Variants in LDAH observed in about 807,000 individuals in gnomAD.
LDAH encodes lipid droplet associated hydrolase.
A neutral mutation model predicts 29.6 loss-of-function variants in LDAH; 26 were observed. The observed-to-expected ratio is 0.88, with a 90% CI of 0.64 to 1.22. The LOEUF is 1.22. Among genes scored for constraint, LDAH ranks in the 50% most tolerant of loss-of-function variants. The probability of loss-of-function intolerance (pLI) is 0.00; values close to 1 mark genes in which losing one functional copy is unlikely to be tolerated. For synonymous variants in LDAH, 117 were observed against 133.0 expected, an observed-to-expected ratio of 0.88 and a Z score of 0.83; for missense variants, 344 against 387.3, an observed-to-expected ratio of 0.89 and a Z score of 0.94.
chr2:20,772,764 G>A (rs1429877890), intron 4 of LDAH, among the ~76,000 whole-genome samples: 2 of 152,236 alleles, frequency 1.3e-5, no homozygotes, highest in East Asian at 1.9e-4. Flanking sequence ...TAGACAGGCC[G>A]ACACGTTAAA....
intron 6 of LDAH, among the ~76,000 whole-genome samples, chr2:20,694,472 T>C (rs143975342): frequency 6.6e-6 from 1 of 152,352 alleles, no homozygotes; most frequent in East Asian, 1.9e-4. Flanking sequence ...GAGCCTCTGT[T>C]TTTAGGGACT....
chr2:20,722,377 C>CAA (rs141440507), intron 5 of LDAH, among the ~76,000 whole-genome samples: 1,401 of 70,316 alleles, frequency 0.02, 43 homozygotes, highest in African/African-American at 0.063. Context: ...GAAACTGTCT[C>CAA]AAAAAAAAAA....
intron 4 of LDAH, among the ~76,000 whole-genome samples, chr2:20,749,770 C>A (rs919364929): frequency 1.3e-5 from 2 of 152,184 alleles, no homozygotes; most frequent in Non-Finnish European, 2.9e-5. Context: ...GCCCAAATGG[C>A]TGAAGTGTAT....
At chr2:20,763,735 A>G (rs924836786) in intron 4 of LDAH, among the ~76,000 whole-genome samples, 3 of 152,210 alleles carry the variant, frequency 2.0e-5, no homozygotes, top group Non-Finnish European at 2.9e-5. Flanking sequence ...GGATGGGGGA[A>G]CTTTTCGATA....
chr2:20,812,878 T>G (rs1050685111), intron 1 of LDAH, among the ~76,000 whole-genome samples: 1 of 152,174 alleles, frequency 6.6e-6, no homozygotes, highest in Admixed American at 6.6e-5. Context: ...ACTTAACAGA[T>G]GCTATCTAAA....
chr2:20,799,608 T>A (rs574913235), intron 2 of LDAH, among the ~76,000 whole-genome samples: 1 of 152,176 alleles, frequency 6.6e-6, no homozygotes, highest in Non-Finnish European at 1.5e-5. Context: ...GTTCCAACAA[T>A]AGAACTTACA....
At chr2:20,804,620 C>T (rs879753836) in intron 1 of LDAH, among the ~76,000 whole-genome samples, 4 of 152,232 alleles carry the variant, frequency 2.6e-5, no homozygotes, top group Admixed American at 1.3e-4. Flanking sequence ...TCTTTTCTAA[C>T]ATTTCTAAAA....
At chr2:20,756,043 T>G (rs1027904627) in intron 4 of LDAH, among the ~76,000 whole-genome samples, 1 of 152,084 alleles carries the variant, frequency 6.6e-6, no homozygotes, top group African/African-American at 2.4e-5. Context: ...TTTTTTCTTT[T>G]TTTTTTGAGA....
intron 4 of LDAH, among the ~76,000 whole-genome samples, chr2:20,771,373 A>T (rs1231228435): frequency 6.6e-6 from 1 of 152,260 alleles, no homozygotes; most frequent in Non-Finnish European, 1.5e-5. Flanking sequence ...ATAACAGAAG[A>T]GATGGAAACA....
intron 5 of LDAH, among the ~76,000 whole-genome samples, chr2:20,724,767 G>T (rs1665897410): frequency 6.6e-6 from 1 of 152,230 alleles, no homozygotes; most frequent in South Asian, 2.1e-4. Flanking sequence ...AAAATGGAAG[G>T]TGATGCATAA....
Position 20,790,362 on chromosome 2 carries a change from G to A in LDAH, c.191C>T (p.Ala64Val), listed in dbSNP as rs59016147. Residue 64 changes from alanine to valine, a missense_variant, in exon 3 of 7, where the codon GCA becomes GTA. Physicochemically the swap from Ala to Val is moderately conservative, Grantham distance 64. Coordinates refer to ENST00000237822, the MANE Select transcript of LDAH (RefSeq NM_021925.4). ...GTTTGTCAAAGAGTATAAAGCCTTT[G>A]CAAATGGCACATAAAAGGCAGAAAA... ...PGFSAFYVPFAKALYSLTNRR... is the reference protein window; with the variant it reads ...PGFSAFYVPFVKALYSLTNRR... 1.3e-3 allele frequency: 2,053 copies of A among 1,613,706 alleles called. 20 individuals carry two copies. The African/African-American group carries it at 0.022, about 17-fold the overall frequency.
chr2:20,728,278 G>T (rs949775612), intron 5 of LDAH, among the ~76,000 whole-genome samples: 6 of 152,162 alleles, frequency 3.9e-5, no homozygotes, highest in Non-Finnish European at 5.9e-5. Context: ...TTAAAAGGTC[G>T]TTGTCTGGAT....
At chr2:20,772,851 C>T (rs1669525350) in intron 4 of LDAH, among the ~76,000 whole-genome samples, 1 of 152,168 alleles carries the variant, frequency 6.6e-6, no homozygotes, top group South Asian at 2.1e-4. Flanking sequence ...GGGATCCTGT[C>T]AAAAACCACA....
intron 6 of LDAH, among the ~76,000 whole-genome samples, chr2:20,691,938 G>C (rs1178320906): frequency 6.6e-6 from 1 of 152,150 alleles, no homozygotes; most frequent in Non-Finnish European, 1.5e-5. Flanking sequence ...AAGGGGACAG[G>C]GCCCTCCTAA....
chr2:20,818,157 A>G (rs1672985475), intron 1 of LDAH, among the ~76,000 whole-genome samples: 1 of 152,184 alleles, frequency 6.6e-6, no homozygotes, highest in South Asian at 2.1e-4. Context: ...CCCAGTTTTA[A>G]TATCGTACCA....
At chr2:20,751,142 T>C (rs1667945261) in intron 4 of LDAH, among the ~76,000 whole-genome samples, 2 of 152,304 alleles carry the variant, frequency 1.3e-5, no homozygotes, top group African/African-American at 4.8e-5. Context: ...GTATCTAAAA[T>C]AAAAGTTGAA....
rs529778953 is a variant in LDAH at position 20,771,155 on chromosome 2, C to G, written c.468+3655G>C. ...ATGCCAGATTTTTTTAAAGGGGCAA[C>G]TTTTTTTTAGTATATTAAAATACAG... On this transcript the variant is annotated intron_variant, in intron 4 of 6. Transcript: ENST00000237822. Among the ~76,000 whole-genome samples, 19 of 151,944 alleles carry G rather than the reference C, an allele frequency of 1.3e-4. No individual in the cohort carries two copies. The East Asian group carries it at 3.5e-3, about 28-fold the overall frequency.
intron 2 of LDAH, among the ~76,000 whole-genome samples, chr2:20,796,927 T>C (rs549908590): frequency 1.1e-4 from 17 of 152,272 alleles, no homozygotes; most frequent in Non-Finnish European, 1.8e-4. Flanking sequence ...CCTTTATACT[T>C]TTCCATTTTA....
intron 5 of LDAH, among the ~76,000 whole-genome samples, chr2:20,703,011 A>G (rs988066875): frequency 3.9e-5 from 6 of 152,142 alleles, no homozygotes; most frequent in Non-Finnish European, 1.5e-5. Context: ...TTTTTAGTAG[A>G]GACAGGGTTT....
Sources: gnomAD v4.1 joint callset for allele counts (sites outside exome capture counted in the v4.1 genomes callset) on GRCh38, gnomAD v4.1.1 for gene constraint, MANE v1.5 for transcripts, NCBI Gene and HGNC (gene_info 2026-07-23, HGNC 2026-07-21) for gene names.